The following STARD13 variants were observed in gnomAD, a reference collection of about 807,000 sequenced individuals.
The protein encoded by STARD13 is stAR-related lipid transfer protein 13.
In STARD13, 62 loss-of-function variants were observed where a neutral mutation model predicts 106.4. That is an observed-to-expected ratio of 0.58 (90% CI 0.48 to 0.72). The LOEUF (loss-of-function observed/expected upper bound fraction) is 0.72, where lower values mean the gene tolerates loss of function less well. Ranked by LOEUF, STARD13 falls within the 30% of genes least tolerant of loss-of-function variation. STARD13 has a pLI of 0.00. For synonymous variants in STARD13, 565 were observed against 553.0 expected (o/e 1.02, Z -0.31); for missense variants, 1,387 against 1,424.0 (o/e 0.97, Z 0.42).
the STARD13 span, among the ~76,000 whole-genome samples, chr13:33,400,052 T>C: frequency 6.6e-6 from 1 of 152,128 alleles, no homozygotes; most frequent in African/African-American, 2.4e-5. Context: ...TCCATAATCA[T>C]CCATGCTGTA....
intron 1 of STARD13, among the ~76,000 whole-genome samples, chr13:33,299,040 G>A (rs191331935): frequency 2.2e-4 from 34 of 152,236 alleles, no homozygotes; most frequent in African/African-American, 6.7e-4. Context: ...TACGTTTACC[G>A]TACTTTTTCT....
the STARD13 span, among the ~76,000 whole-genome samples, chr13:33,670,191 G>A: frequency 6.6e-6 from 1 of 152,174 alleles, no homozygotes; most frequent in Admixed American, 6.5e-5. Context: ...ACAGGGCTTG[G>A]CATATAGTAT....
chr13:33,525,866 T>C, the STARD13 span, among the ~76,000 whole-genome samples: 4 of 152,190 alleles, frequency 2.6e-5, no homozygotes, highest in Non-Finnish European at 4.4e-5. Flanking sequence ...AAATACTAGC[T>C]ACCTAACAGT....
intron 1 of STARD13, among the ~76,000 whole-genome samples, chr13:33,337,468 T>C (rs2077909627): frequency 6.6e-6 from 1 of 152,232 alleles, no homozygotes; most frequent in South Asian, 2.1e-4. Flanking sequence ...ATTAAAATAT[T>C]TGCTTCAATA....
chr13:33,444,357 G>A, the STARD13 span, among the ~76,000 whole-genome samples: 1 of 152,100 alleles, frequency 6.6e-6, no homozygotes, highest in Non-Finnish European at 1.5e-5. Context: ...AATTCTCATG[G>A]AAAAAACATG....
At chr13:33,293,364 T>G (rs1892364185) in intron 1 of STARD13, among the ~76,000 whole-genome samples, 1 of 152,198 alleles carries the variant, frequency 6.6e-6, no homozygotes, top group African/African-American at 2.4e-5. Flanking sequence ...AATAATTGAA[T>G]AAATGATTAT....
At chr13:33,533,035 T>C in the STARD13 span, among the ~76,000 whole-genome samples, 2 of 152,108 alleles carry the variant, frequency 1.3e-5, no homozygotes, top group Admixed American at 6.6e-5. Context: ...TTGGCTTAAG[T>C]CCTAAGTGGC....
the STARD13 span, among the ~76,000 whole-genome samples, chr13:33,637,881 T>C: frequency 3.3e-5 from 5 of 152,246 alleles, no homozygotes; most frequent in Non-Finnish European, 4.4e-5. Flanking sequence ...AAAATTCTTA[T>C]AAAATGTAAA....
chr13:33,675,566 G>C, the STARD13 span, among the ~76,000 whole-genome samples: 1 of 152,136 alleles, frequency 6.6e-6, no homozygotes, highest in African/African-American at 2.4e-5. Context: ...AAAGGATATG[G>C]AGCAAGAATA....
chr13:33,274,321 G>C (rs1346612214), intron 1 of STARD13, among the ~76,000 whole-genome samples: 2 of 152,050 alleles, frequency 1.3e-5, no homozygotes, highest in Admixed American at 1.3e-4. Context: ...AGGAGATTAA[G>C]ACACAGACAC....
At chr13:33,377,641 G>A in the STARD13 span, among the ~76,000 whole-genome samples, 1 of 128,600 alleles carries the variant, frequency 7.8e-6, no homozygotes, top group African/African-American at 3.0e-5. Flanking sequence ...ACACAACCAC[G>A]CAAGCTCCAC....
At chr13:33,167,496 G>GTGGT in intron 2 of STARD13, 55 bp downstream of exon 2, 1 of 1,563,974 alleles carries the variant, frequency 6.4e-7, no homozygotes, top group East Asian at 2.2e-5. Context: ...CAGGATACGT[G>GTGGT]TGGTTCATTT....
intron 1 of STARD13, among the ~76,000 whole-genome samples, chr13:33,183,532 C>T (rs1885446790): frequency 6.6e-6 from 1 of 152,226 alleles, no homozygotes; most frequent in African/African-American, 2.4e-5. Context: ...TTCTGTTCCA[C>T]TCTGTTTGAG....
chr13:33,243,870 C>T (rs1183729968), intron 1 of STARD13, among the ~76,000 whole-genome samples: 8 of 152,104 alleles, frequency 5.3e-5, no homozygotes, highest in Non-Finnish European at 1.2e-4. Context: ...AGGTGGAAAG[C>T]AGGAACCAAC....
intron 1 of STARD13, among the ~76,000 whole-genome samples, chr13:33,179,940 TC>T (rs1392347286): frequency 6.6e-6 from 1 of 152,190 alleles, no homozygotes; most frequent in Non-Finnish European, 1.5e-5. Flanking sequence ...CTCACTGCCT[TC>T]TTGGAAGTAG....
the STARD13 span, among the ~76,000 whole-genome samples, chr13:33,437,691 A>G: frequency 3.3e-5 from 5 of 152,258 alleles, no homozygotes; most frequent in Non-Finnish European, 7.3e-5. Flanking sequence ...ACTGCTTTGT[A>G]TCTGCATGGA....
chr13:33,244,963 A>T (rs981849030), intron 1 of STARD13, among the ~76,000 whole-genome samples: 2 of 152,226 alleles, frequency 1.3e-5, no homozygotes, highest in African/African-American at 4.8e-5. Flanking sequence ...CAAATACAAC[A>T]CATTAAGCTG....
At chr13:33,543,487 C>CT in the STARD13 span, among the ~76,000 whole-genome samples, 869 of 150,114 alleles carry the variant, frequency 5.8e-3, 10 homozygotes, top group African/African-American at 0.02. Context: ...TAATAATGTT[C>CT]TTTTTTTCCT....
At chr13:33,422,126 T>C in the STARD13 span, among the ~76,000 whole-genome samples, 12 of 152,146 alleles carry the variant, frequency 7.9e-5, no homozygotes, top group Admixed American at 6.5e-4. Flanking sequence ...AAATAAAGGG[T>C]ATTCAATAAG....
Sources: gnomAD v4.1 joint callset for allele counts (sites outside exome capture counted in the v4.1 genomes callset) on GRCh38, gnomAD v4.1.1 for gene constraint, MANE v1.5 for transcripts, NCBI Gene and HGNC (gene_info 2026-07-23, HGNC 2026-07-21) for gene names.